The following ADAMTSL1 variants were observed in gnomAD, a reference collection of about 807,000 sequenced individuals.
ADAMTSL1 encodes the protein ADAMTS like 1.
In ADAMTSL1, 126 loss-of-function variants were observed where a neutral mutation model predicts 201.8. That is an observed-to-expected ratio of 0.62 (90% CI 0.54 to 0.72). The LOEUF is 0.72. Ranked by LOEUF, ADAMTSL1 falls within the 30% of genes least tolerant of loss-of-function variation. ADAMTSL1 has a pLI of 0.00. For missense variants in ADAMTSL1, 2,679 were observed against 2,277.8 expected, an observed-to-expected ratio of 1.18 and a Z score of -3.59; for synonymous variants, 1,121 against 903.4, an observed-to-expected ratio of 1.24 and a Z score of -4.32.
chr9:18,442,535 C>T (rs767459462), intron 2 of ADAMTSL1, among the ~76,000 whole-genome samples: 3 of 151,924 alleles, frequency 2.0e-5, no homozygotes, highest in African/African-American at 4.8e-5. Flanking sequence ...TTTCTGTCTT[C>T]AAAAAGAAGG....
rs536935587 is a variant in ADAMTSL1 at position 18,058,425 on chromosome 9, C to A, written c.88-105437C>A. On this transcript the variant is annotated intron_variant, in intron 1 of 29. Transcript: ENST00000680146. ...TGTTCGCTTTAGTCTTTGTCCTAAT[C>A]ATAAGATTAATCATTGAAGATAAAT... 3.3e-5 allele frequency among the ~76,000 whole-genome samples: 5 copies of A among 152,278 alleles called. No individual in the cohort carries two copies. The East Asian group carries it at 9.6e-4, about 29-fold the overall frequency.
At chr9:18,400,996 T>C (rs1398809991) in intron 2 of ADAMTSL1, among the ~76,000 whole-genome samples, 1 of 152,146 alleles carries the variant, frequency 6.6e-6, no homozygotes, top group Non-Finnish European at 1.5e-5. Context: ...TAGCTGGATA[T>C]CAAAAATATT....
intron 10 of ADAMTSL1, among the ~76,000 whole-genome samples, chr9:18,677,813 T>C (rs1830212756): frequency 6.6e-6 from 1 of 152,088 alleles, no homozygotes; most frequent in Non-Finnish European, 1.5e-5. Context: ...ATAAATTTTA[T>C]TTCTTACCCC....
intron 9 of ADAMTSL1, among the ~76,000 whole-genome samples, chr9:18,667,793 G>A (rs950530200): frequency 3.9e-5 from 6 of 152,120 alleles, no homozygotes; most frequent in African/African-American, 1.2e-4. Context: ...CTAGAATTCT[G>A]TATGGGTCTA....
chr9:18,336,309 A>ATT (rs763640009), intron 2 of ADAMTSL1, among the ~76,000 whole-genome samples: 26 of 139,928 alleles, frequency 1.9e-4, no homozygotes, highest in African/African-American at 5.3e-4. Flanking sequence ...ATGTAATTTC[A>ATT]TTTTTTTTTT....
chr9:18,296,280 A>G (rs144476906), intron 2 of ADAMTSL1, among the ~76,000 whole-genome samples: 12 of 152,306 alleles, frequency 7.9e-5, no homozygotes, highest in African/African-American at 2.9e-4. Context: ...ACCAAATATA[A>G]TATGTGAAAC....
chr9:18,223,781 T>C (rs1227965725), intron 2 of ADAMTSL1, among the ~76,000 whole-genome samples: 1 of 152,056 alleles, frequency 6.6e-6, no homozygotes. Flanking sequence ...CTCTCACCCA[T>C]GGTAGCTTGT....
chr9:17,944,118 A>C (rs1651534344), intron 1 of ADAMTSL1, among the ~76,000 whole-genome samples: 1 of 152,038 alleles, frequency 6.6e-6, no homozygotes, highest in Admixed American at 6.6e-5. Context: ...GATGGGAACA[A>C]ATATCCAATT....
chr9:18,406,566 A>G (rs925513418), intron 2 of ADAMTSL1, among the ~76,000 whole-genome samples: 1 of 152,082 alleles, frequency 6.6e-6, no homozygotes, highest in Non-Finnish European at 1.5e-5. Flanking sequence ...CCTGACCTCA[A>G]CTGATCTGCC....
chr9:18,131,184 G>T (rs1587122198), intron 1 of ADAMTSL1, among the ~76,000 whole-genome samples: 2 of 152,058 alleles, frequency 1.3e-5, no homozygotes, highest in East Asian at 3.9e-4. Context: ...CTATCTTTGG[G>T]TCTTACTTAT....
chr9:18,376,440 A>T (rs932422849), intron 2 of ADAMTSL1, among the ~76,000 whole-genome samples: 7 of 152,138 alleles, frequency 4.6e-5, no homozygotes, highest in African/African-American at 1.7e-4. Context: ...AACTTGAGAG[A>T]TACTGAAGAA....
chr9:18,623,102 G>A (rs1169314640), intron 5 of ADAMTSL1, among the ~76,000 whole-genome samples: 2 of 152,118 alleles, frequency 1.3e-5, no homozygotes, highest in African/African-American at 4.8e-5. Context: ...CACCATGTTG[G>A]CCGGGCTGGT....
chr9:17,977,605 A>T (rs1818508553), intron 1 of ADAMTSL1, among the ~76,000 whole-genome samples: 1 of 151,934 alleles, frequency 6.6e-6, no homozygotes, highest in South Asian at 2.1e-4. Flanking sequence ...GTAGTCCCTT[A>T]TGATTGATTC....
intron 1 of ADAMTSL1, among the ~76,000 whole-genome samples, chr9:18,117,511 A>C (rs1024284090): frequency 1.3e-5 from 2 of 151,962 alleles, no homozygotes; most frequent in Non-Finnish European, 2.9e-5. Flanking sequence ...GCCTCCTTTA[A>C]ATCTTAGCTG....
At chr9:18,756,099 A>G (rs1371940198) in intron 16 of ADAMTSL1, among the ~76,000 whole-genome samples, 1 of 70,650 alleles carries the variant, frequency 1.4e-5, no homozygotes, top group Non-Finnish European at 2.9e-5. Context: ...ATATATATAT[A>G]TATATATATA....
chr9:18,175,171 A>G (rs1339609659), intron 2 of ADAMTSL1, among the ~76,000 whole-genome samples: 1 of 152,208 alleles, frequency 6.6e-6, no homozygotes, highest in African/African-American at 2.4e-5. Context: ...GACTTTAGGC[A>G]AGTCATAGAA....
At chr9:18,394,833 C>G (rs1243013880) in intron 2 of ADAMTSL1, among the ~76,000 whole-genome samples, 2 of 152,098 alleles carry the variant, frequency 1.3e-5, no homozygotes, top group Non-Finnish European at 2.9e-5. Context: ...TTAAATGGAA[C>G]ACTTAATCAG....
intron 1 of ADAMTSL1, among the ~76,000 whole-genome samples, chr9:17,951,624 A>G (rs189146334): frequency 3.6e-4 from 47 of 129,312 alleles, no homozygotes; most frequent in Non-Finnish European, 6.2e-4. Context: ...CATAACCATT[A>G]CTCTTTTTTT....
chr9:18,687,992 T>C (rs1274747495), intron 13 of ADAMTSL1, among the ~76,000 whole-genome samples: 1 of 152,074 alleles, frequency 6.6e-6, no homozygotes, highest in African/African-American at 2.4e-5. Context: ...AAGCTGAATC[T>C]TCAACTCAAA....
Sources: allele counts gnomAD v4.1 joint callset (sites outside exome capture counted in the v4.1 genomes callset), GRCh38; gene constraint gnomAD v4.1.1; transcripts MANE v1.5; gene names NCBI Gene and HGNC (gene_info 2026-07-23, HGNC 2026-07-21).